The following DAW1 variants were observed in gnomAD, a reference collection of about 807,000 sequenced individuals.
The protein encoded by DAW1 is dynein assembly factor with WD repeat domains 1.
A neutral mutation model predicts 56.5 loss-of-function variants in DAW1; 47 were observed. That is an observed-to-expected ratio of 0.83 (90% CI 0.66 to 1.06). DAW1 has a LOEUF of 1.06. Among genes scored for constraint, DAW1 ranks in the 50% least tolerant of loss-of-function variants. The pLI, the probability that DAW1 is intolerant of heterozygous loss-of-function variation, is 0.00. For synonymous variants in DAW1, 190 were observed against 179.0 expected (o/e 1.06, Z -0.49); for missense variants, 505 against 499.3 (o/e 1.01, Z -0.11).
chr2:227,923,902 A>G, intron 12 of DAW1, 32 bp from the exon 13 acceptor site: 1 of 1,612,268 alleles, frequency 6.2e-7, no homozygotes, highest in Non-Finnish European at 8.5e-7. Flanking sequence ...GAAATGAAGA[A>G]AAAAATAACT....
intron 1 of DAW1, among the ~76,000 whole-genome samples, chr2:227,881,967 A>T (rs1715846): frequency 2.0e-5 from 3 of 151,892 alleles, no homozygotes; most frequent in African/African-American, 7.3e-5. Context: ...GGCCAGGCTG[A>T]TCTCAAACTC....
intron 11 of DAW1, among the ~76,000 whole-genome samples, chr2:227,920,796 C>A (rs1692088326): frequency 1.3e-5 from 2 of 152,166 alleles, no homozygotes; most frequent in South Asian, 4.1e-4. Context: ...CCTGCCTCAG[C>A]CTCCCCAGTA....
At chr2:227,920,339 G>A (rs1280873310) in intron 11 of DAW1, among the ~76,000 whole-genome samples, 1 of 152,152 alleles carries the variant, frequency 6.6e-6, no homozygotes, top group East Asian at 1.9e-4. Flanking sequence ...ACAGCCACTG[G>A]TAACAGAGTG....
Position 227,903,002 on chromosome 2 carries a change from G to C in DAW1, c.541G>C (p.Val181Leu). Residue 181 changes from valine to leucine, a missense_variant and splice_region_variant, in exon 7 of 13, where the codon GTG becomes CTG. Val to Leu is a conservative substitution (Grantham distance 32). Coordinates refer to ENST00000309931, the MANE Select transcript of DAW1 (RefSeq NM_178821.3). ...HTFRGHTAEIVCLSFNPQSTL... is the reference protein window; with the variant it reads ...HTFRGHTAEILCLSFNPQSTL... ...ATTTCTCCCATTTTATGTAATTTAGGTGTGTTTATCATTTAACCCTCAAAG... is the reference window on the plus strand; with the variant it reads ...ATTTCTCCCATTTTATGTAATTTAGCTGTGTTTATCATTTAACCCTCAAAG... 6.2e-7 allele frequency: 1 copy of C among 1,613,754 alleles called. No homozygotes were observed. The highest frequency in any genetic ancestry group is 8.5e-7 in the Non-Finnish European group (1 of 1,179,798).
At chr2:227,906,784 T>C (rs1327488112) in intron 9 of DAW1, among the ~76,000 whole-genome samples, 3 of 152,228 alleles carry the variant, frequency 2.0e-5, no homozygotes, top group Non-Finnish European at 4.4e-5. Flanking sequence ...GACATTGTAG[T>C]TTTATATCAA....
intron 11 of DAW1, among the ~76,000 whole-genome samples, chr2:227,920,686 A>AT (rs992056276): frequency 2.0e-5 from 3 of 151,416 alleles, no homozygotes; most frequent in Non-Finnish European, 4.4e-5. Context: ...ATTTTTTATT[A>AT]TTTTTTTTGA....
rs367997646 is a variant in DAW1, at chr2:227,905,099, T to C, written c.755+64T>C. 2.2e-5 allele frequency: 32 copies of C among 1,424,284 alleles called. No individual in the cohort carries two copies. The African/African-American group carries it at 4.0e-4, about 18-fold the overall frequency. The allele number at this position is 1,424,284 out of a possible 1,614,324, so 88.2% of individuals were successfully genotyped here. A position where few individuals can be genotyped will look rare whatever the true frequency, so the allele number is the denominator to read the frequency against. On this transcript the variant is annotated intron_variant, in intron 8 of 12. Transcript: ENST00000309931. Reference sequence around the variant, plus strand: ...AGGGGGTTCAGAAAACCCTCTGTTATTTTTTAGTTTAAGCTACTATCTATT... The same window carrying C: ...AGGGGGTTCAGAAAACCCTCTGTTACTTTTTAGTTTAAGCTACTATCTATT...
intron 8 of DAW1, 40 bp downstream of exon 8, chr2:227,905,075 G>T: frequency 6.4e-7 from 1 of 1,557,242 alleles, no homozygotes; most frequent in Non-Finnish European, 8.8e-7. Context: ...ACCTGGATCA[G>T]GGGGTTCAGA....
chr2:227,909,232 T>TTATCTATCTATCTATC lies in DAW1; in HGVS notation c.973+2006_973+2021dup, dbSNP rs3057690. On this transcript the variant is annotated intron_variant, in intron 10 of 12. Coordinates refer to ENST00000309931, the MANE Select transcript of DAW1 (RefSeq NM_178821.3). ...CACCACCTTTAGAAAGGTGGTGATA[T>TTATCTATCTATCTATC]TATCTATCTATCTATCTATCTATCT... Among the ~76,000 whole-genome samples the TTATCTATCTATCTATC allele has an allele frequency of 7.9e-3, 1,097 of 138,832 alleles. 8 individuals are homozygous for TTATCTATCTATCTATC. Among genetic ancestry groups the TTATCTATCTATCTATC allele is most frequent in the Middle Eastern group, 0.022 (6 of 274 alleles). The allele number at this position is 138,832 out of a possible 152,430, so 91.1% of individuals were successfully genotyped here. A position where few individuals can be genotyped will look rare whatever the true frequency, so the allele number is the denominator to read the frequency against.
At chr2:227,893,645 C>T in intron 4 of DAW1, 150 bp from the exon 5 acceptor site, 1 of 1,263,430 alleles carries the variant, frequency 7.9e-7, no homozygotes, top group Non-Finnish European at 1.0e-6. Context: ...GCACTCCAGC[C>T]TGAGTGACAG....
chr2:227,918,152 CCATCCATCCATCCATCCAT>C (rs1692011461), intron 10 of DAW1, among the ~76,000 whole-genome samples: 2 of 93,450 alleles, frequency 2.1e-5, no homozygotes, highest in South Asian at 3.2e-4. Context: ...GTCCATCCAT[CCATCCATCCATCCATCCAT>C]CATCCATCCA....
chr2:227,888,408 C>T (rs141718238), intron 2 of DAW1, among the ~76,000 whole-genome samples: 9 of 152,310 alleles, frequency 5.9e-5, no homozygotes, highest in African/African-American at 1.7e-4. Flanking sequence ...CAGGATCAGG[C>T]GGGAGGAGCC....
chr2:227,903,170 C>T (rs1457031350), intron 7 of DAW1, 61 bp downstream of exon 7: 16 of 1,546,728 alleles, frequency 1.0e-5, no homozygotes, highest in Non-Finnish European at 1.2e-5. Context: ...GTTTTTGTTA[C>T]AAAATGAGCT....
chr2:227,906,072 A>G (rs549582394), intron 8 of DAW1, among the ~76,000 whole-genome samples, 164 bp from the exon 9 acceptor site: 2 of 152,240 alleles, frequency 1.3e-5, no homozygotes, highest in Non-Finnish European at 2.9e-5. Flanking sequence ...AATTATTGGT[A>G]GCTTCTTTTT....
At chr2:227,901,675 C>A (rs1574660545) in intron 6 of DAW1, among the ~76,000 whole-genome samples, 2 of 152,156 alleles carry the variant, frequency 1.3e-5, no homozygotes, top group Admixed American at 1.3e-4. Flanking sequence ...GATGACCGAC[C>A]AAACCTGGAT....
intron 1 of DAW1, among the ~76,000 whole-genome samples, chr2:227,885,020 G>A (rs1420576394): frequency 6.6e-6 from 1 of 152,042 alleles, no homozygotes; most frequent in African/African-American, 2.4e-5. Context: ...TGTGGAATGC[G>A]GTGATAAAAA....
intron 1 of DAW1, among the ~76,000 whole-genome samples, chr2:227,882,880 A>G (rs1296139533): frequency 6.6e-6 from 1 of 152,154 alleles, no homozygotes; most frequent in African/African-American, 2.4e-5. Flanking sequence ...TCCTTCCACC[A>G]TGATTGTAAG....
chr2:227,921,305 C>CTTTTTTTTTTTTTTTTTTTTTTTTT (rs556409280), intron 11 of DAW1, 94 bp from the exon 12 acceptor site: 1 of 433,768 alleles, frequency 2.3e-6, no homozygotes, highest in Non-Finnish European at 3.6e-6. Flanking sequence ...CTGTAATGTC[C>CTTTTTTTTTTTTTTTTTTTTTTTTT]TTTTTTTTTT....
intron 1 of DAW1, among the ~76,000 whole-genome samples, chr2:227,882,549 A>G (rs2106188797): frequency 6.6e-6 from 1 of 152,370 alleles, no homozygotes; most frequent in Non-Finnish European, 1.5e-5. Flanking sequence ...ATGTATTTTG[A>G]GTATTCCAGG....
Sources: gnomAD v4.1 joint callset for allele counts (sites outside exome capture counted in the v4.1 genomes callset) on GRCh38, gnomAD v4.1.1 for gene constraint, MANE v1.5 for transcripts, NCBI Gene and HGNC (gene_info 2026-07-23, HGNC 2026-07-21) for gene names.